Variants in PPM1H observed in about 807,000 individuals in gnomAD.
The protein encoded by PPM1H is protein phosphatase 1H.
Under a neutral mutation model 54.9 loss-of-function variants are expected in PPM1H, and 27 were observed. That is an observed-to-expected ratio of 0.49 (90% CI 0.36 to 0.68). The LOEUF (loss-of-function observed/expected upper bound fraction) is 0.68, where lower values mean the gene tolerates loss of function less well. PPM1H is among the 30% of genes least tolerant of loss of function. The probability of loss-of-function intolerance (pLI) is 0.00; values close to 1 mark genes in which losing one functional copy is unlikely to be tolerated. For synonymous variants in PPM1H, 305 were observed against 270.8 expected (o/e 1.13, Z -1.24); for missense variants, 596 against 667.8 (o/e 0.89, Z 1.19).
At chr12:62,863,870 C>T (rs1296328524) in intron 1 of PPM1H, among the ~76,000 whole-genome samples, 1 of 152,180 alleles carries the variant, frequency 6.6e-6, no homozygotes, top group Non-Finnish European at 1.5e-5. Flanking sequence ...TAATTTCATT[C>T]CCAATGCTTT....
chr12:62,690,674 C>A (rs1176099901), intron 7 of PPM1H, among the ~76,000 whole-genome samples: 1 of 152,210 alleles, frequency 6.6e-6, no homozygotes, highest in East Asian at 1.9e-4. Context: ...CTCGTCCCTA[C>A]TACAAAGAAA....
At chr12:62,846,993 C>T (rs1439373392) in intron 1 of PPM1H, among the ~76,000 whole-genome samples, 1 of 152,142 alleles carries the variant, frequency 6.6e-6, no homozygotes, top group Non-Finnish European at 1.5e-5. Flanking sequence ...CCCAGACTCC[C>T]TTTCTCCTAG....
chr12:62,871,161 A>C (rs1421904045), intron 1 of PPM1H, among the ~76,000 whole-genome samples: 1 of 152,246 alleles, frequency 6.6e-6, no homozygotes, highest in Non-Finnish European at 1.5e-5. Flanking sequence ...CAACTGGTGA[A>C]TGGATAAATA....
At chr12:62,798,234 G>A (rs535032781) in intron 3 of PPM1H, among the ~76,000 whole-genome samples, 2 of 152,160 alleles carry the variant, frequency 1.3e-5, no homozygotes, top group East Asian at 1.9e-4. Flanking sequence ...AAAGAGGGAG[G>A]GTATGGTCAT....
intron 1 of PPM1H, among the ~76,000 whole-genome samples, chr12:62,879,627 G>C (rs1482890378): frequency 6.6e-6 from 1 of 152,076 alleles, no homozygotes; most frequent in Non-Finnish European, 1.5e-5. Context: ...CGGGAGGTTG[G>C]GGGAGGGATA....
intron 4 of PPM1H, among the ~76,000 whole-genome samples, chr12:62,779,859 A>C (rs1452362805): frequency 6.6e-6 from 1 of 152,252 alleles, no homozygotes; most frequent in Non-Finnish European, 1.5e-5. Flanking sequence ...TTATCTTTTC[A>C]TGTGGCTGAG....
At chr12:62,771,772 C>T (rs919088320) in intron 4 of PPM1H, among the ~76,000 whole-genome samples, 4 of 152,162 alleles carry the variant, frequency 2.6e-5, no homozygotes, top group Admixed American at 6.5e-5. Context: ...ATGTTTAATG[C>T]TTTTGCATGA....
At chr12:62,908,743 G>A (rs1213071013) in intron 1 of PPM1H, among the ~76,000 whole-genome samples, 5 of 152,194 alleles carry the variant, frequency 3.3e-5, no homozygotes, top group East Asian at 1.9e-4. Context: ...ACCACACCCC[G>A]AAGGAGCCTC....
intron 1 of PPM1H, among the ~76,000 whole-genome samples, chr12:62,927,311 G>T (rs78147845): frequency 6.6e-6 from 1 of 152,318 alleles, no homozygotes; most frequent in East Asian, 1.9e-4. Context: ...TGTTCAATGG[G>T]AGATTCATGA....
intron 1 of PPM1H, among the ~76,000 whole-genome samples, chr12:62,876,420 G>C (rs1870171414): frequency 6.6e-6 from 1 of 152,182 alleles, no homozygotes; most frequent in African/African-American, 2.4e-5. Context: ...AGGCAAATCA[G>C]GCCATTTGTT....
chr12:62,897,566 C>G (rs1197513922), intron 1 of PPM1H, among the ~76,000 whole-genome samples: 1 of 152,084 alleles, frequency 6.6e-6, no homozygotes, highest in Non-Finnish European at 1.5e-5. Flanking sequence ...CTGTAAGAAC[C>G]TTGTCCACAC....
At chr12:62,676,440 T>C (rs2075986772) in intron 8 of PPM1H, among the ~76,000 whole-genome samples, 1 of 152,140 alleles carries the variant, frequency 6.6e-6, no homozygotes, top group Admixed American at 6.5e-5. Flanking sequence ...AGGAGCCCTG[T>C]CCTCCTGGGT....
intron 9 of PPM1H, among the ~76,000 whole-genome samples, chr12:62,662,703 G>A (rs1372826199): frequency 6.6e-6 from 1 of 152,054 alleles, no homozygotes; most frequent in Non-Finnish European, 1.5e-5. Flanking sequence ...TCTTAACCAC[G>A]AGACTACCCT....
intron 2 of PPM1H, among the ~76,000 whole-genome samples, chr12:62,812,622 A>C (rs1033854009): frequency 1.3e-5 from 2 of 152,104 alleles, no homozygotes; most frequent in African/African-American, 4.8e-5. Context: ...AGCCTGATGA[A>C]GGAAGATTCC....
chr12:62,652,542 T>G (rs1192328341), intron 9 of PPM1H, among the ~76,000 whole-genome samples: 3 of 152,252 alleles, frequency 2.0e-5, no homozygotes, highest in Admixed American at 6.5e-5. Context: ...ACTTATTTTG[T>G]GTTTTTAATT....
At chr12:62,915,598 C>T (rs1871597121) in intron 1 of PPM1H, among the ~76,000 whole-genome samples, 1 of 152,158 alleles carries the variant, frequency 6.6e-6, no homozygotes, top group South Asian at 2.1e-4. Context: ...CCCTTCAATC[C>T]TGGATACATT....
At chr12:62,750,896 T>C (rs2076439184) in intron 4 of PPM1H, among the ~76,000 whole-genome samples, 1 of 152,244 alleles carries the variant, frequency 6.6e-6, no homozygotes, top group South Asian at 2.1e-4. Context: ...TTATTTTTCA[T>C]CTGCATCAGA....
At chr12:62,766,065 G>A (rs1046421489) in intron 4 of PPM1H, among the ~76,000 whole-genome samples, 11 of 152,218 alleles carry the variant, frequency 7.2e-5, no homozygotes, top group Admixed American at 3.9e-4. Flanking sequence ...GGCCAGCCGT[G>A]TAAGGGGCCC....
intron 1 of PPM1H, among the ~76,000 whole-genome samples, chr12:62,845,096 T>G (rs939178403): frequency 2.2e-4 from 34 of 152,348 alleles, no homozygotes; most frequent in African/African-American, 8.2e-4. Flanking sequence ...AAGAAGGCCC[T>G]GGAGGGCCAG....
Sources: gnomAD v4.1 joint callset for allele counts (sites outside exome capture counted in the v4.1 genomes callset) on GRCh38, gnomAD v4.1.1 for gene constraint, MANE v1.5 for transcripts, NCBI Gene and HGNC (gene_info 2026-07-23, HGNC 2026-07-21) for gene names.